DYM: variants seen among roughly 807,000 people sequenced by gnomAD.
DYM encodes dymeclin.
Under a neutral mutation model 93.1 loss-of-function variants are expected in DYM, and 78 were observed. That is an observed-to-expected ratio of 0.84 (90% CI 0.70 to 1.01). The LOEUF is 1.01. Among genes scored for constraint, DYM ranks in the 50% least tolerant of loss-of-function variants. The pLI, the probability that DYM is intolerant of heterozygous loss-of-function variation, is 0.00. For synonymous variants in DYM, 321 were observed against 319.7 expected (o/e 1.00, Z -0.04); for missense variants, 789 against 845.0 (o/e 0.93, Z 0.82).
intron 3 of DYM, among the ~76,000 whole-genome samples, chr18:49,389,113 T>C (rs1275140150): frequency 6.6e-6 from 1 of 152,178 alleles, no homozygotes; most frequent in African/African-American, 2.4e-5. Context: ...TTATATGAAA[T>C]TGTCACAAAA....
intron 1 of DYM, among the ~76,000 whole-genome samples, chr18:49,433,961 G>A (rs560171387): frequency 6.6e-6 from 1 of 152,282 alleles, no homozygotes; most frequent in South Asian, 2.1e-4. Context: ...TGTAATTCCA[G>A]CACCCTGAGA....
At chr18:49,312,155 G>C (rs566859716) in intron 8 of DYM, among the ~76,000 whole-genome samples, 17 of 152,278 alleles carry the variant, frequency 1.1e-4, no homozygotes, top group African/African-American at 3.8e-4. Context: ...GGGACGTAAA[G>C]GATGAAATCA....
chr18:49,192,095 ATTTTTTTTTT>A (rs55967928), intron 14 of DYM, among the ~76,000 whole-genome samples: 9 of 68,292 alleles, frequency 1.3e-4, no homozygotes, highest in East Asian at 4.1e-4. Context: ...TGCCTGGCTA[ATTTTTTTTTT>A]TTTTTTTTTT....
intron 2 of DYM, among the ~76,000 whole-genome samples, chr18:49,423,775 G>T (rs999214760): frequency 4.6e-5 from 7 of 152,156 alleles, no homozygotes; most frequent in Non-Finnish European, 7.4e-5. Flanking sequence ...ACACCTCTAT[G>T]CAAATAAACT....
At chr18:49,441,335 TTA>T (rs769945241) in intron 1 of DYM, among the ~76,000 whole-genome samples, 2 of 77,042 alleles carry the variant, frequency 2.6e-5, no homozygotes, top group African/African-American at 5.3e-5. Flanking sequence ...TATAATATAA[TTA>T]TATATAATTA....
chr18:49,178,991 T>C (rs2089659543), intron 14 of DYM, among the ~76,000 whole-genome samples: 1 of 151,694 alleles, frequency 6.6e-6, no homozygotes, highest in Non-Finnish European at 1.5e-5. Context: ...CTACAGTTAA[T>C]TCCCATTACA....
At chr18:49,417,353 T>G (rs1194268973) in intron 2 of DYM, among the ~76,000 whole-genome samples, 1 of 152,092 alleles carries the variant, frequency 6.6e-6, no homozygotes, top group Non-Finnish European at 1.5e-5. Context: ...TCTCGCCATG[T>G]TGCCCAGGCT....
At chr18:49,444,690 T>C (rs1343058978) in intron 1 of DYM, among the ~76,000 whole-genome samples, 1 of 152,174 alleles carries the variant, frequency 6.6e-6, no homozygotes, top group African/African-American at 2.4e-5. Flanking sequence ...CATTTAACTG[T>C]GCAATGAGGA....
intron 8 of DYM, among the ~76,000 whole-genome samples, chr18:49,318,797 C>CTTTTTTTTTTTTT (rs932617888): frequency 8.7e-6 from 1 of 114,382 alleles, no homozygotes; most frequent in Non-Finnish European, 1.8e-5. Flanking sequence ...ATTTCTTTTT[C>CTTTTTTTTTTTTT]TTTTTTTTTT....
intron 1 of DYM, among the ~76,000 whole-genome samples, chr18:49,437,451 A>G (rs2080958772): frequency 1.3e-5 from 2 of 152,190 alleles, no homozygotes; most frequent in African/African-American, 4.8e-5. Context: ...TGCTATTACA[A>G]ATCATTCTCC....
chr18:49,080,652 C>A (rs2077861140), intron 17 of DYM, among the ~76,000 whole-genome samples: 1 of 148,632 alleles, frequency 6.7e-6, no homozygotes, highest in African/African-American at 2.5e-5. Context: ...ACCCCCCCCA[C>A]CTCCCTCCCG....
At position 49,142,083 on chromosome 18, in the gene DYM, G is replaced by A. The variant is rs538763488; in HGVS notation, c.1728+21602C>T. Among the ~76,000 whole-genome samples the A allele has an allele frequency of 7.6e-4, 115 of 150,838 alleles. 1 individual carries two copies. Among genetic ancestry groups the A allele is most frequent in the Middle Eastern group, 3.4e-3 (1 of 290 alleles). On this transcript the variant is annotated intron_variant, in intron 15 of 17. Transcript: ENST00000675505. ...TCACCATGTTTGCCAGGATGGTCTC[G>A]ATCTCCTGACCTTGTGATCCGCCCA...
chr18:49,389,596 G>A (rs527706290), intron 3 of DYM, among the ~76,000 whole-genome samples: 3 of 151,998 alleles, frequency 2.0e-5, no homozygotes, highest in South Asian at 2.1e-4. Context: ...TCCTGGGCTC[G>A]ATCAATCCTC....
At chr18:49,261,570 G>A (rs2094491130) in intron 11 of DYM, among the ~76,000 whole-genome samples, 2 of 152,152 alleles carry the variant, frequency 1.3e-5, no homozygotes, top group Admixed American at 6.6e-5. Flanking sequence ...GGCTGAGGCA[G>A]GAGAATCGCT....
chr18:49,319,909 C>G (rs1191560905), intron 8 of DYM, among the ~76,000 whole-genome samples: 1 of 152,160 alleles, frequency 6.6e-6, no homozygotes, highest in Non-Finnish European at 1.5e-5. Flanking sequence ...TGGCACTCTG[C>G]TCTCTCTCCA....
chr18:49,282,759 G>T (rs924471988), intron 9 of DYM, among the ~76,000 whole-genome samples: 1 of 151,952 alleles, frequency 6.6e-6, no homozygotes, highest in African/African-American at 2.4e-5. Context: ...CTAGGCAAAA[G>T]GCCCACCAAT....
chr18:49,128,132 G>C (rs1252415304), intron 15 of DYM, among the ~76,000 whole-genome samples: 1 of 152,238 alleles, frequency 6.6e-6, no homozygotes, highest in Non-Finnish European at 1.5e-5. Flanking sequence ...ATCCGGAGAA[G>C]AGCCAGAGAA....
At chr18:49,046,392 CACAG>C (rs1289126992) in intron 17 of DYM, among the ~76,000 whole-genome samples, 2 of 149,468 alleles carry the variant, frequency 1.3e-5, no homozygotes, top group African/African-American at 2.5e-5. Flanking sequence ...ACACACACAC[CACAG>C]ACAAAACACA....
At chr18:49,184,300 G>C (rs941205527) in intron 14 of DYM, among the ~76,000 whole-genome samples, 16 of 151,770 alleles carry the variant, frequency 1.1e-4, no homozygotes, top group Non-Finnish European at 2.1e-4. Flanking sequence ...ATGCTTGAAA[G>C]AGTATTGTCA....
Sources: gnomAD v4.1 joint callset for allele counts (sites outside exome capture counted in the v4.1 genomes callset) on GRCh38, gnomAD v4.1.1 for gene constraint, MANE v1.5 for transcripts, NCBI Gene and HGNC (gene_info 2026-07-23, HGNC 2026-07-21) for gene names.